The following MRPL48 variants were observed in gnomAD, a reference collection of about 807,000 sequenced individuals.
MRPL48 encodes the protein large ribosomal subunit protein mL48.
Under a neutral mutation model 32.9 loss-of-function variants are expected in MRPL48, and 16 were observed. The ratio of observed to expected loss-of-function variants is 0.49; its 90% confidence interval spans 0.33 to 0.74. The LOEUF is 0.74. MRPL48 is among the 30% of genes least tolerant of loss of function. The pLI, the probability that MRPL48 is intolerant of heterozygous loss-of-function variation, is 0.02. For missense variants in MRPL48, 206 were observed against 245.3 expected (o/e 0.84, Z 1.07); for synonymous variants, 94 against 89.2 (o/e 1.05, Z -0.31).
At chr11:73,830,402 A>G (rs112675875) in intron 4 of MRPL48, among the ~76,000 whole-genome samples, 5 of 152,204 alleles carry the variant, frequency 3.3e-5, no homozygotes, top group African/African-American at 1.2e-4. Context: ...TGGATACTGG[A>G]GTAAGTTGCT....
intron 4 of MRPL48, among the ~76,000 whole-genome samples, chr11:73,839,182 C>G (rs765907992): frequency 6.6e-6 from 1 of 152,152 alleles, no homozygotes; most frequent in African/African-American, 2.4e-5. Context: ...AGGACCATTT[C>G]TTTGTCTTCT....
At chr11:73,831,099 C>G (rs1052035076) in intron 4 of MRPL48, among the ~76,000 whole-genome samples, 2 of 152,120 alleles carry the variant, frequency 1.3e-5, no homozygotes, top group Admixed American at 1.3e-4. Flanking sequence ...CTTGGCCTCC[C>G]TAAGAGCTGG....
At chr11:73,808,093 T>C (rs1947491637) in intron 2 of MRPL48, among the ~76,000 whole-genome samples, 1 of 152,162 alleles carries the variant, frequency 6.6e-6, no homozygotes, top group South Asian at 2.1e-4. Flanking sequence ...CTTTCCCAAC[T>C]AGACCATGGA....
intron 1 of MRPL48, among the ~76,000 whole-genome samples, chr11:73,804,641 TTTAC>T: frequency 6.6e-6 from 1 of 152,336 alleles, no homozygotes; most frequent in Middle Eastern, 3.4e-3. Flanking sequence ...TCTCAGTTGC[TTTAC>T]TTACGAAATT....
intron 3 of MRPL48, 87 bp downstream of exon 3, chr11:73,808,437 A>G (rs901704191): frequency 2.2e-5 from 31 of 1,379,102 alleles, no homozygotes; most frequent in South Asian, 3.8e-5. Context: ...GAAGCCTACC[A>G]TATCTTTGAG....
At position 73,839,773 on chromosome 11, in the gene MRPL48, T is replaced by C. The variant is rs188933980; in HGVS notation, c.202-5034T>C. ...AATCCCTATAACCATAAAAAATGAA[T>C]ACATTGGACTACATTAAAAATAAGA... On this transcript the variant is annotated intron_variant, in intron 4 of 7. Coordinates refer to ENST00000310614, the MANE Select transcript of MRPL48 (RefSeq NM_016055.6). Among the ~76,000 whole-genome samples the C allele has an allele frequency of 2.5e-4, 38 of 152,252 alleles. No homozygotes were observed. The East Asian group carries it at 7.3e-3, about 29-fold the overall frequency.
chr11:73,864,220 T>C lies in MRPL48; in HGVS notation c.565-76T>C, dbSNP rs986690558. ...TCTACAGAGCTGGTTCAAGGGCCCT[T>C]TTTGGATGCTGTGCATATCTGGGTA... On this transcript the variant is annotated intron_variant, in intron 7 of 7. Transcript: ENST00000310614. 27 of 1,377,670 alleles carry C rather than the reference T, an allele frequency of 2.0e-5. No homozygotes were observed. The Admixed American group carries it at 3.0e-4, about 15-fold the overall frequency. The allele number at this position is 1,377,670 out of a possible 1,614,324, so 85.3% of individuals were successfully genotyped here.
intron 1 of MRPL48, among the ~76,000 whole-genome samples, chr11:73,796,901 C>T (rs1418082664): frequency 6.6e-6 from 1 of 152,076 alleles, no homozygotes; most frequent in Non-Finnish European, 1.5e-5. Flanking sequence ...CCCATCTGTA[C>T]TAAAAATACA....
intron 3 of MRPL48, chr11:73,823,121 A>G: frequency 3.0e-6 from 1 of 327,888 alleles, no homozygotes; most frequent in Non-Finnish European, 6.1e-6. Context: ...AATAATATAA[A>G]TAACATGCAC....
intron 5 of MRPL48, among the ~76,000 whole-genome samples, chr11:73,851,443 T>C (rs1354434093): frequency 6.6e-6 from 1 of 152,210 alleles, no homozygotes; most frequent in Non-Finnish European, 1.5e-5. Context: ...TGCTAAAAGA[T>C]GTTCTTTAGG....
At chr11:73,833,672 T>C (rs1342844057) in intron 4 of MRPL48, among the ~76,000 whole-genome samples, 2 of 152,146 alleles carry the variant, frequency 1.3e-5, no homozygotes, top group African/African-American at 2.4e-5. Context: ...GTTTTTGTTT[T>C]TTTAATTATT....
At chr11:73,855,101 C>CTAT (rs904297504) in intron 5 of MRPL48, among the ~76,000 whole-genome samples, 3 of 152,032 alleles carry the variant, frequency 2.0e-5, no homozygotes, top group Non-Finnish European at 2.9e-5. Flanking sequence ...ATTACTATTA[C>CTAT]TATTATTATT....
chr11:73,852,356 T>C (rs1401995346), intron 5 of MRPL48, among the ~76,000 whole-genome samples: 2 of 60,340 alleles, frequency 3.3e-5, no homozygotes, highest in East Asian at 1.2e-3. Context: ...AAGGGATTAA[T>C]AACCAGAATA....
intron 3 of MRPL48, among the ~76,000 whole-genome samples, chr11:73,809,895 A>G (rs370506194): frequency 3.1e-4 from 47 of 152,354 alleles, no homozygotes; most frequent in African/African-American, 1.1e-3. Context: ...TTATTTTAGA[A>G]GATGGCGGCA....
intron 4 of MRPL48, among the ~76,000 whole-genome samples, chr11:73,827,602 TG>T (rs1947921658): frequency 6.6e-6 from 1 of 151,988 alleles, no homozygotes; most frequent in African/African-American, 2.4e-5. Context: ...AACAGTACAG[TG>T]GGGGGAGATT....
In MRPL48 at chr11:73,860,087, T is replaced by C. The variant is rs572619975; in HGVS notation, c.474+78T>C. On this transcript the variant is annotated intron_variant, in intron 6 of 7. Coordinates refer to ENST00000310614, the MANE Select transcript of MRPL48 (RefSeq NM_016055.6). ...CTGTCCACTTTTTCACTTTCTATTATGCTCTTTTCTTTTCTTTCTTGAATA... is the reference window on the plus strand; with the variant it reads ...CTGTCCACTTTTTCACTTTCTATTACGCTCTTTTCTTTTCTTTCTTGAATA... 7.4e-6 allele frequency: 9 copies of C among 1,215,648 alleles called. No individual in the cohort carries two copies. The East Asian group carries it at 1.0e-4, about 14-fold the overall frequency. The allele number at this position is 1,215,648 out of a possible 1,614,324, so 75.3% of individuals were successfully genotyped here.
chr11:73,845,037 T>A, intron 5 of MRPL48, 61 bp downstream of exon 5: 1 of 1,506,290 alleles, frequency 6.6e-7, no homozygotes. Flanking sequence ...TGTTTTTTTG[T>A]TAAACTAGGC....
At chr11:73,793,476 C>A (rs1159298688) in intron 1 of MRPL48, among the ~76,000 whole-genome samples, 5 of 152,144 alleles carry the variant, frequency 3.3e-5, no homozygotes, top group African/African-American at 9.7e-5. Flanking sequence ...ACAGAAGGAT[C>A]CAAGCAAGTC....
intron 4 of MRPL48, among the ~76,000 whole-genome samples, chr11:73,827,025 C>T (rs1947909622): frequency 6.6e-6 from 1 of 151,938 alleles, no homozygotes; most frequent in South Asian, 2.1e-4. Flanking sequence ...ATCTGCCTGC[C>T]TCAGCCTCCC....
Sources: gnomAD v4.1 joint callset for allele counts (sites outside exome capture counted in the v4.1 genomes callset) on GRCh38, gnomAD v4.1.1 for gene constraint, MANE v1.5 for transcripts, NCBI Gene and HGNC (gene_info 2026-07-23, HGNC 2026-07-21) for gene names.